NUCB2: variants seen among roughly 807,000 people sequenced by gnomAD.
NUCB2 encodes the protein nucleobindin-2.
NUCB2 carries 48 observed loss-of-function variants against 57.9 expected under a neutral mutation model. The observed-to-expected ratio is 0.83, with a 90% confidence interval of 0.66 to 1.05. The LOEUF (loss-of-function observed/expected upper bound fraction) is 1.05. Among genes scored for constraint, NUCB2 ranks in the 50% least tolerant of loss-of-function variants. NUCB2 has a pLI of 0.00. For missense variants in NUCB2, 442 were observed against 476.2 expected (o/e 0.93, Z 0.67); for synonymous variants, 139 against 152.1 (o/e 0.91, Z 0.64).
chr11:17,311,009 C>A lies in NUCB2; in HGVS notation c.668C>A (p.Pro223Gln). The change falls in exon 7 of 14, where the codon CCA (proline) becomes CAA (glutamine). Residue 223 changes from proline to glutamine, a missense_variant and splice_region_variant. Coordinates refer to ENST00000529010, the MANE Select transcript of NUCB2 (RefSeq NM_005013.4). ...GAAAATCACCCTAAAGTTAATCACC[C>A]AGTAAGGATTGTGACTTTATGAAAC... is the stretch of plus-strand genomic sequence containing the variant. Reference protein sequence around the residue: ...KHENHPKVNHPGSKDQLKEVW... With the variant: ...KHENHPKVNHQGSKDQLKEVW... The A allele has an allele frequency of 6.4e-7, 1 of 1,568,140 alleles. No individual in the cohort carries two copies. The highest frequency in any genetic ancestry group is 8.6e-7 in the Non-Finnish European group (1 of 1,166,374).
intron 2 of NUCB2, among the ~76,000 whole-genome samples, chr11:17,345,042 G>A (rs1036694469): frequency 9.9e-5 from 15 of 152,212 alleles, no homozygotes; most frequent in Admixed American, 5.9e-4. Flanking sequence ...TAGTATCTGT[G>A]TAGTAAATGC....
intron 5 of NUCB2, among the ~76,000 whole-genome samples, chr11:17,302,483 A>G (rs1166954707): frequency 6.6e-6 from 1 of 152,208 alleles, no homozygotes; most frequent in African/African-American, 2.4e-5. Context: ...TAATCAGAAG[A>G]ATTTTCATAC....
rs560882242 is a variant in NUCB2, at chr11:17,303,920, A to G, written c.379+2050A>G. On this transcript the variant is annotated intron_variant, in intron 5 of 13. Coordinates refer to ENST00000529010, the MANE Select transcript of NUCB2 (RefSeq NM_005013.4). ...AAAAAAAAGAAAAGTTATAAGTCAT[A>G]TGGCTTTCTCCATGTATGCAGAAAA... Among the ~76,000 whole-genome samples the G allele has an allele frequency of 4.4e-4, 66 of 151,718 alleles. No homozygotes were observed. In the East Asian group the frequency reaches 0.011, roughly 26 times the overall value.
intron 2 of NUCB2, among the ~76,000 whole-genome samples, chr11:17,286,475 C>T (rs903673046): frequency 3.9e-5 from 6 of 152,228 alleles, no homozygotes; most frequent in African/African-American, 1.4e-4. Context: ...TTACCAGAGG[C>T]TCTGATGCCT....
At chr11:17,340,360 C>G (rs1952154697) in intron 2 of NUCB2, among the ~76,000 whole-genome samples, 2 of 149,514 alleles carry the variant, frequency 1.3e-5, no homozygotes, top group East Asian at 1.9e-4. Flanking sequence ...TTAATTAGAT[C>G]CCATTTGTCA....
intron 2 of NUCB2, among the ~76,000 whole-genome samples, chr11:17,286,920 CA>C (rs1390645998): frequency 6.6e-6 from 1 of 151,754 alleles, no homozygotes; most frequent in African/African-American, 2.4e-5. Context: ...GAATACTTAC[CA>C]TTTTTTTTTT....
chr11:17,332,592 G>A (rs1332141252), downstream of NUCB2: 2 of 147,400 alleles, frequency 1.4e-5, no homozygotes, highest in Non-Finnish European at 3.0e-5. Context: ...CATGCTATCT[G>A]GAGACAGTCC....
chr11:17,319,983 T>C (rs984307057), intron 11 of NUCB2, among the ~76,000 whole-genome samples: 1 of 152,220 alleles, frequency 6.6e-6, no homozygotes, highest in Non-Finnish European at 1.5e-5. Context: ...AGTGAGAACA[T>C]GCAGTATTTG....
chr11:17,294,965 T>G (rs1436404561), intron 2 of NUCB2, among the ~76,000 whole-genome samples: 1 of 152,064 alleles, frequency 6.6e-6, no homozygotes, highest in African/African-American at 2.4e-5. Context: ...GGAGAATCGC[T>G]TGAACCCAGG....
chr11:17,346,115 C>T (rs948859788), intron 2 of NUCB2, among the ~76,000 whole-genome samples: 1 of 152,082 alleles, frequency 6.6e-6, no homozygotes, highest in Non-Finnish European at 1.5e-5. Flanking sequence ...ATTTGTAAAA[C>T]ACCAATATTA....
chr11:17,341,853 C>T (rs1238479211), intron 2 of NUCB2, among the ~76,000 whole-genome samples: 1 of 152,176 alleles, frequency 6.6e-6, no homozygotes, highest in African/African-American at 2.4e-5. Flanking sequence ...GGAGGATTCC[C>T]TCTTTTTCTA....
intron 6 of NUCB2, among the ~76,000 whole-genome samples, chr11:17,310,022 C>T (rs532149554): frequency 9.2e-4 from 140 of 152,270 alleles, no homozygotes; most frequent in Non-Finnish European, 1.7e-3. Context: ...CAGGGATATT[C>T]CATAATATGG....
chr11:17,305,399 A>G (rs1397096285), intron 5 of NUCB2, among the ~76,000 whole-genome samples: 1 of 152,172 alleles, frequency 6.6e-6, no homozygotes, highest in African/African-American at 2.4e-5. Context: ...AGGACTAGAT[A>G]TTAGAAATTG....
intron 2 of NUCB2, among the ~76,000 whole-genome samples, chr11:17,295,075 A>C (rs946035908): frequency 6.6e-6 from 1 of 152,110 alleles, no homozygotes; most frequent in Non-Finnish European, 1.5e-5. Flanking sequence ...AAACAAAAAC[A>C]GTTTAAAATA....
chr11:17,335,807 C>T (rs1337807162), downstream of NUCB2, among the ~76,000 whole-genome samples: 1 of 151,342 alleles, frequency 6.6e-6, no homozygotes, highest in Non-Finnish European at 1.5e-5. Context: ...GCCTATTATT[C>T]CTAAGAAAGT....
rs1167995024 is a variant in NUCB2 at position 17,288,882 on chromosome 11, T to TACACACACACACACACACACACACAC, written c.-1+5983_-1+6008dup. 5.4e-4 allele frequency among the ~76,000 whole-genome samples: 24 copies of TACACACACACACACACACACACACAC among 44,662 alleles called. 1 individual carries two copies. The highest frequency in any genetic ancestry group is 7.6e-4 in the Non-Finnish European group (19 of 24,902). 29.3% of individuals were successfully genotyped at this position (44,662 alleles called of 152,430 possible). On this transcript the variant is annotated intron_variant, in intron 2 of 13. Coordinates refer to ENST00000529010, the MANE Select transcript of NUCB2 (RefSeq NM_005013.4). ...TAAAGTCTATTTAATAACATGTATA[T>TACACACACACACACACACACACACAC]ACACACACACACACACACACACACA...
rs1445362202 is a variant in NUCB2, at chr11:17,296,103, G to T, written c.145-1G>T. 7 of 1,577,206 alleles carry T rather than the reference G, an allele frequency of 4.4e-6. No homozygotes were observed. Among genetic ancestry groups the T allele is most frequent in the Non-Finnish European group, 5.2e-6 (6 of 1,154,836 alleles). Reference sequence around the variant, plus strand: ...ATTACTGTTGGTTTCTTAATTTGAAGGATACTGGACTTTATTATGATGAAT... The same window carrying T: ...ATTACTGTTGGTTTCTTAATTTGAATGATACTGGACTTTATTATGATGAAT... On this transcript the variant is annotated splice_acceptor_variant, in intron 3 of 13. Transcript: ENST00000529010. LOFTEE classifies it high-confidence loss of function.
chr11:17,278,067 ATT>A (rs958823773), intron 1 of NUCB2, among the ~76,000 whole-genome samples: 1 of 149,202 alleles, frequency 6.7e-6, no homozygotes. Flanking sequence ...AGGGGGTCAA[ATT>A]TTTTTTTTAA....
chr11:17,347,533 T>G (rs1952840842), intron 2 of NUCB2, among the ~76,000 whole-genome samples: 1 of 152,248 alleles, frequency 6.6e-6, no homozygotes, highest in South Asian at 2.1e-4. Context: ...GCATCTCTTA[T>G]GAACAAATAT....
Sources: allele counts gnomAD v4.1 joint callset (sites outside exome capture counted in the v4.1 genomes callset), GRCh38; gene constraint gnomAD v4.1.1; transcripts MANE v1.5; gene names NCBI Gene and HGNC (gene_info 2026-07-23, HGNC 2026-07-21).